GNAQ: variants seen among roughly 807,000 people sequenced by gnomAD.
The protein encoded by GNAQ is G protein subunit alpha q, also known as guanine nucleotide-binding protein G(q) subunit alpha.
In GNAQ, 8 loss-of-function variants were observed where a neutral mutation model predicts 43.9. That is an observed-to-expected ratio of 0.18 (90% CI 0.11 to 0.33). The LOEUF (loss-of-function observed/expected upper bound fraction) is 0.33, where lower values mean the gene tolerates loss of function less well. Among genes scored for constraint, GNAQ ranks in the 10% least tolerant of loss-of-function variants. The probability of loss-of-function intolerance (pLI) is 1.00; values close to 1 mark genes in which losing one functional copy is unlikely to be tolerated. For synonymous variants in GNAQ, 155 were observed against 170.7 expected (o/e 0.91, Z 0.71); for missense variants, 158 against 450.8 (o/e 0.35, Z 5.88).
intron 6 of GNAQ, among the ~76,000 whole-genome samples, chr9:77,721,817 C>T (rs1379426443): frequency 1.3e-5 from 2 of 152,154 alleles, no homozygotes; most frequent in Non-Finnish European, 2.9e-5. Context: ...CCACTGTAGG[C>T]TCTTCATCAG....
intron 1 of GNAQ, among the ~76,000 whole-genome samples, chr9:77,967,272 G>A (rs573894607): frequency 7.2e-5 from 11 of 152,100 alleles, no homozygotes; most frequent in Non-Finnish European, 1.2e-4. Flanking sequence ...CAGTTCCCTC[G>A]GTCAGATCCA....
chr9:77,983,964 G>A lies in GNAQ; in HGVS notation c.136+47136C>T, dbSNP rs185952070. The stretch of plus-strand genomic sequence containing the variant: ...GATACAGAAATAAAAGATCTAACAC[G>A]TTGTGCTTTTATTCAAAGACTCTCT... On this transcript the variant is annotated intron_variant, in intron 1 of 6. Transcript: ENST00000286548. Among the ~76,000 whole-genome samples the A allele has an allele frequency of 1.5e-4, 21 of 140,038 alleles. 1 individual carries two copies. The highest frequency in any genetic ancestry group is 3.2e-4 in the Admixed American group (4 of 12,636). The allele number at this position is 140,038 out of a possible 152,430, so 91.9% of individuals were successfully genotyped here. A position where few individuals can be genotyped will look rare whatever the true frequency, so the allele number is the denominator to read the frequency against.
intron 2 of GNAQ, among the ~76,000 whole-genome samples, chr9:77,912,915 T>C (rs1034544567): frequency 6.6e-6 from 1 of 152,172 alleles, no homozygotes; most frequent in Non-Finnish European, 1.5e-5. Flanking sequence ...GTGAAAGGAC[T>C]GCTTGAGCCC....
chr9:77,988,150 G>A (rs1823464963), intron 1 of GNAQ, among the ~76,000 whole-genome samples: 1 of 152,236 alleles, frequency 6.6e-6, no homozygotes, highest in African/African-American at 2.4e-5. Context: ...GAGAGGAGTA[G>A]AAGGAGATGA....
At chr9:77,901,982 G>A (rs1220776651) in intron 2 of GNAQ, among the ~76,000 whole-genome samples, 1 of 152,142 alleles carries the variant, frequency 6.6e-6, no homozygotes. Flanking sequence ...CCACCTTCAT[G>A]ACTGAATCAC....
At chr9:77,959,384 C>T (rs533024236) in intron 1 of GNAQ, among the ~76,000 whole-genome samples, 1 of 152,054 alleles carries the variant, frequency 6.6e-6, no homozygotes, top group African/African-American at 2.4e-5. Flanking sequence ...TTTAGTTCAT[C>T]CTTCATACTT....
At chr9:77,988,665 G>C (rs571086323) in intron 1 of GNAQ, among the ~76,000 whole-genome samples, 1 of 152,128 alleles carries the variant, frequency 6.6e-6, no homozygotes, top group South Asian at 2.1e-4. Context: ...GGCAGTGTGT[G>C]CAAGTGACAA....
chr9:77,968,978 G>C (rs1823203599), intron 1 of GNAQ, among the ~76,000 whole-genome samples: 1 of 152,222 alleles, frequency 6.6e-6, no homozygotes, highest in African/African-American at 2.4e-5. Flanking sequence ...TGCCTAGTGA[G>C]GTGTGATGGC....
intron 2 of GNAQ, among the ~76,000 whole-genome samples, chr9:77,849,048 T>G (rs1448723693): frequency 6.6e-6 from 1 of 152,148 alleles, no homozygotes; most frequent in African/African-American, 2.4e-5. Context: ...AAATTCGAGC[T>G]CAGTGACAAC....
At chr9:77,908,609 A>G (rs1236756665) in intron 2 of GNAQ, among the ~76,000 whole-genome samples, 1 of 152,216 alleles carries the variant, frequency 6.6e-6, no homozygotes, top group Non-Finnish European at 1.5e-5. Flanking sequence ...TACAAAGTGA[A>G]TACTATTATC....
chr9:77,788,565 G>C (rs1474903540), intron 5 of GNAQ, among the ~76,000 whole-genome samples: 1 of 152,180 alleles, frequency 6.6e-6, no homozygotes, highest in Non-Finnish European at 1.5e-5. Context: ...GGAGAGAAAT[G>C]AATCAGGGAG....
intron 2 of GNAQ, among the ~76,000 whole-genome samples, chr9:77,853,371 G>C (rs144605861): frequency 3.9e-5 from 6 of 152,236 alleles, no homozygotes; most frequent in African/African-American, 1.4e-4. Flanking sequence ...ATAAATAGTA[G>C]TAACAGGGCC....
chr9:77,959,554 T>G (rs992709698), intron 1 of GNAQ, among the ~76,000 whole-genome samples: 1 of 152,230 alleles, frequency 6.6e-6, no homozygotes, highest in African/African-American at 2.4e-5. Context: ...AATTTCAATC[T>G]GCATGAAAGT....
intron 2 of GNAQ, among the ~76,000 whole-genome samples, chr9:77,859,711 C>T (rs896914600): frequency 6.6e-6 from 1 of 152,158 alleles, no homozygotes; most frequent in African/African-American, 2.4e-5. Context: ...TGCATAACAG[C>T]AGCTTTTCAA....
chr9:78,020,056 T>C (rs1371657558), intron 1 of GNAQ, among the ~76,000 whole-genome samples: 2 of 151,986 alleles, frequency 1.3e-5, no homozygotes, highest in Non-Finnish European at 2.9e-5. Flanking sequence ...ATCCAATTGA[T>C]AGGTGCCTTT....
At chr9:77,988,366 A>G (rs1166631157) in intron 1 of GNAQ, among the ~76,000 whole-genome samples, 1 of 152,246 alleles carries the variant, frequency 6.6e-6, no homozygotes. Flanking sequence ...GCTACACTGG[A>G]AATAGTACAG....
In GNAQ at chr9:78,015,050, A is replaced by C. The variant is rs146412588; in HGVS notation, c.136+16050T>G. Among the ~76,000 whole-genome samples the C allele has an allele frequency of 5.7e-3, 873 of 152,120 alleles. 7 individuals carry two copies. Among genetic ancestry groups the C allele is most frequent in the Non-Finnish European group, 0.01 (682 of 67,976 alleles). On this transcript the variant is annotated intron_variant, in intron 1 of 6. Coordinates refer to ENST00000286548, the MANE Select transcript of GNAQ (RefSeq NM_002072.5). ...TCCTAGACCCTCACATTCACTCACC[A>C]CTCACTGACACCCAGAGCAATTTCC...
At chr9:77,851,412 G>A (rs983303704) in intron 2 of GNAQ, among the ~76,000 whole-genome samples, 6 of 152,166 alleles carry the variant, frequency 3.9e-5, no homozygotes, top group Admixed American at 1.3e-4. Flanking sequence ...TGCATATTCT[G>A]AGTATTTCTG....
intron 2 of GNAQ, among the ~76,000 whole-genome samples, chr9:77,833,259 CG>C (rs1827331083): frequency 6.6e-6 from 1 of 152,168 alleles, no homozygotes; most frequent in Non-Finnish European, 1.5e-5. Flanking sequence ...TGAGCCACCC[CG>C]CACCTGGCCT....
Sources: allele counts gnomAD v4.1 joint callset (sites outside exome capture counted in the v4.1 genomes callset), GRCh38; gene constraint gnomAD v4.1.1; transcripts MANE v1.5; gene names NCBI Gene and HGNC (gene_info 2026-07-23, HGNC 2026-07-21).